The following ORC4 variants were observed in gnomAD, a reference collection of about 807,000 sequenced individuals.
ORC4 encodes the protein origin recognition complex, subunit 4 homolog.
In ORC4, 55 loss-of-function variants were observed where a neutral mutation model predicts 63.9. That is an observed-to-expected ratio of 0.86 (90% CI 0.69 to 1.08). The LOEUF (loss-of-function observed/expected upper bound fraction) is 1.08, where lower values mean the gene tolerates loss of function less well. Among genes scored for constraint, ORC4 ranks in the 50% least tolerant of loss-of-function variants. The probability of loss-of-function intolerance (pLI) is 0.00; values close to 1 mark genes in which losing one functional copy is unlikely to be tolerated. For missense variants in ORC4, 511 were observed against 504.4 expected (o/e 1.01, Z -0.13); for synonymous variants, 150 against 168.5 (o/e 0.89, Z 0.85).
intron 1 of ORC4, among the ~76,000 whole-genome samples, chr2:148,014,129 A>C (rs561041923): frequency 6.6e-6 from 1 of 152,324 alleles, no homozygotes; most frequent in East Asian, 1.9e-4. Context: ...GGATAGCTTG[A>C]GCCCAGGAAT....
intron 1 of ORC4, among the ~76,000 whole-genome samples, chr2:147,993,549 C>T (rs766635805): frequency 3.3e-5 from 5 of 152,106 alleles, no homozygotes; most frequent in Non-Finnish European, 5.9e-5. Context: ...GTCAACGAAA[C>T]GATATTCTCC....
In ORC4 at chr2:147,948,119, C is replaced by T. The variant is rs1195133136; in HGVS notation, c.694G>A (p.Glu232Lys). 1 of 1,611,450 alleles carries T rather than the reference C, an allele frequency of 6.2e-7. No individual in the cohort carries two copies. Among genetic ancestry groups the T allele is most frequent in the Non-Finnish European group, 8.5e-7 (1 of 1,177,924 alleles). Residue 232 changes from glutamate (E) to lysine (K), a missense_variant, in exon 9 of 14, where the codon GAA becomes AAA. Physicochemically the swap from Glu to Lys is moderately conservative, Grantham distance 56. Coordinates refer to ENST00000392857, the MANE Select transcript of ORC4 (RefSeq NM_181741.4). Reference protein sequence around the residue: ...GFPQYVKIFKEQLSLPAEFPD... With the variant: ...GFPQYVKIFKKQLSLPAEFPD... ...AACTCTGCAGGTAGAGATAACTGTT[C>T]TTTAAATATTTTAACATACTGTGGA...
rs1687875978 is a variant in ORC4, at chr2:147,933,417, T to C, written c.*2093A>G. 2 of 152,236 alleles carry C rather than the reference T, an allele frequency of 1.3e-5. No homozygotes were observed. Among genetic ancestry groups the C allele is most frequent in the South Asian group, 4.1e-4 (2 of 4,824 alleles). 9.4% of individuals were successfully genotyped at this position (152,236 alleles called of 1,614,324 possible). A position where few individuals can be genotyped will look rare whatever the true frequency, so the allele number is the denominator to read the frequency against. ...TCCCCACAAAAATGCCTTGGGAATATAATAGGCGTACACTTCATTTGTGTA... is the reference window on the plus strand; with the variant it reads ...TCCCCACAAAAATGCCTTGGGAATACAATAGGCGTACACTTCATTTGTGTA... On this transcript the variant is annotated 3_prime_UTR_variant, in exon 14 of 14. Transcript: ENST00000392857.
chr2:147,997,725 G>A (rs1248491518), intron 1 of ORC4, among the ~76,000 whole-genome samples: 1 of 152,004 alleles, frequency 6.6e-6, no homozygotes, highest in Non-Finnish European at 1.5e-5. Context: ...GGGTGCAAAG[G>A]TTATAGGTAA....
chr2:148,011,691 A>G (rs551118956), intron 1 of ORC4, among the ~76,000 whole-genome samples: 1 of 152,308 alleles, frequency 6.6e-6, no homozygotes, highest in African/African-American at 2.4e-5. Context: ...CATTGTTTGC[A>G]GCTCATGTGA....
At chr2:147,989,771 A>G (rs1053883039) in intron 1 of ORC4, among the ~76,000 whole-genome samples, 11 of 152,186 alleles carry the variant, frequency 7.2e-5, no homozygotes, top group Admixed American at 3.9e-4. Context: ...TTCCAAGAAC[A>G]CTAATTTATA....
chr2:147,955,287 T>G (rs1040158142), intron 7 of ORC4, 60 bp downstream of exon 7: 1 of 1,167,634 alleles, frequency 8.6e-7, no homozygotes, highest in African/African-American at 1.5e-5. Flanking sequence ...ACCTTTATAA[T>G]CAGGGAAAAA....
intron 1 of ORC4, among the ~76,000 whole-genome samples, chr2:147,990,134 G>C (rs1384577247): frequency 6.6e-6 from 1 of 152,116 alleles, no homozygotes. Context: ...TGTTTACCTA[G>C]GACCTAACTT....
intron 1 of ORC4, among the ~76,000 whole-genome samples, chr2:148,005,656 C>CAAAAAAAAAAAAAAAAAAA (rs55869341): frequency 5.8e-5 from 3 of 51,490 alleles, no homozygotes; most frequent in Admixed American, 2.6e-4. Flanking sequence ...ACTATCCATG[C>CAAAAAAAAAAAAAAAAAAA]AAAAAAAAAA....
intron 1 of ORC4, among the ~76,000 whole-genome samples, chr2:147,999,872 AAGT>A (rs1434430747): frequency 6.6e-6 from 1 of 152,128 alleles, no homozygotes; most frequent in Non-Finnish European, 1.5e-5. Flanking sequence ...AATTTGGAAA[AAGT>A]AGAGAAAGCA....
chr2:147,970,624 A>AG (rs1300121690), intron 4 of ORC4, among the ~76,000 whole-genome samples: 3 of 151,760 alleles, frequency 2.0e-5, no homozygotes, highest in African/African-American at 7.3e-5. Context: ...GCAAAAAAAA[A>AG]AAAGAAAAAA....
At chr2:147,991,792 C>T (rs1691628803) in intron 1 of ORC4, among the ~76,000 whole-genome samples, 1 of 152,102 alleles carries the variant, frequency 6.6e-6, no homozygotes, top group Admixed American at 6.5e-5. Flanking sequence ...TGCACCACTG[C>T]ACTCCAACCA....
At chr2:148,004,249 G>GA (rs1229546580) in intron 1 of ORC4, among the ~76,000 whole-genome samples, 4 of 151,480 alleles carry the variant, frequency 2.6e-5, no homozygotes, top group East Asian at 1.9e-4. Context: ...CACAGAATTA[G>GA]AAAAAAAACT....
chr2:147,986,786 C>T (rs201273404), intron 1 of ORC4, among the ~76,000 whole-genome samples: 1 of 112,642 alleles, frequency 8.9e-6, no homozygotes, highest in South Asian at 2.7e-4. Flanking sequence ...GACACACACA[C>T]ACATACACAC....
At chr2:147,984,149 C>T (rs1265931515) in intron 1 of ORC4, among the ~76,000 whole-genome samples, 1 of 152,056 alleles carries the variant, frequency 6.6e-6, no homozygotes, top group Non-Finnish European at 1.5e-5. Flanking sequence ...ACAGAAATTA[C>T]CTGTTTAGTT....
rs745332280 is a variant in ORC4 at position 147,958,836 on chromosome 2, C to T, written c.256G>A (p.Glu86Lys). The change falls in exon 5 of 14, where the codon GAA becomes AAA. Residue 86 changes from glutamate (E) to lysine (K), a missense_variant. Physicochemically the swap from Glu to Lys is moderately conservative, Grantham distance 56. Coordinates refer to ENST00000392857, the MANE Select transcript of ORC4 (RefSeq NM_181741.4). ...LINHALKELM[E>K]IEEVSENVLQ... ...ACATTTTCACTCACTTCTTCTATTT[C>T]CATGAGTTCTTTCAAAGCATGATTT... is the stretch of plus-strand genomic sequence containing the variant. The T allele has an allele frequency of 1.5e-5, 21 of 1,429,790 alleles. No individual in the cohort carries two copies. Among genetic ancestry groups the T allele is most frequent in the Non-Finnish European group, 2.0e-5 (20 of 1,014,414 alleles). The allele number at this position is 1,429,790 out of a possible 1,614,324, so 88.6% of individuals were successfully genotyped here.
intron 9 of ORC4, among the ~76,000 whole-genome samples, chr2:147,945,796 G>A (rs1040076045): frequency 3.3e-5 from 5 of 151,758 alleles, no homozygotes; most frequent in South Asian, 2.1e-4. Context: ...CTGGATAATC[G>A]GCACTAAGAG....
chr2:147,935,714 A>G lies in ORC4; in HGVS notation c.1123-16T>C, dbSNP rs1252879343. On this transcript the variant is annotated splice_polypyrimidine_tract_variant and intron_variant, in intron 13 of 13. Transcript: ENST00000392857. The stretch of plus-strand genomic sequence containing the variant: ...GTTCAAAAGCCTGAAAGATGAAAGA[A>G]ATAGTTTAGGTTGAATAGGAGAGGA... The G allele has an allele frequency of 4.4e-6, 7 of 1,606,328 alleles. No homozygotes were observed. Among genetic ancestry groups the G allele is most frequent in the South Asian group, 1.1e-5 (1 of 90,842 alleles).
At chr2:147,969,123 A>G (rs933583896) in intron 4 of ORC4, among the ~76,000 whole-genome samples, 11 of 152,014 alleles carry the variant, frequency 7.2e-5, no homozygotes, top group African/African-American at 2.4e-4. Flanking sequence ...AGGATAGGGT[A>G]GGAAGGGTAG....
Sources: gnomAD v4.1 joint callset for allele counts (sites outside exome capture counted in the v4.1 genomes callset) on GRCh38, gnomAD v4.1.1 for gene constraint, MANE v1.5 for transcripts, NCBI Gene and HGNC (gene_info 2026-07-23, HGNC 2026-07-21) for gene names.